PDE1C: variants seen among roughly 807,000 people sequenced by gnomAD.
PDE1C encodes the protein phosphodiesterase 1C, also known as dual specificity calcium/calmodulin-dependent 3',5'-cyclic nucleotide phosphodiesterase 1C.
A neutral mutation model predicts 93.1 loss-of-function variants in PDE1C; 62 were observed. That is an observed-to-expected ratio of 0.67 (90% CI 0.54 to 0.82). PDE1C has a LOEUF of 0.82. PDE1C is among the 40% of genes least tolerant of loss of function. The pLI is 0.00. For missense variants in PDE1C, 742 were observed against 884.6 expected (o/e 0.84, Z 2.04); for synonymous variants, 325 against 310.1 (o/e 1.05, Z -0.50).
chr7:31,948,311 T>C (rs1193355119), intron 2 of PDE1C, among the ~76,000 whole-genome samples: 1 of 152,212 alleles, frequency 6.6e-6, no homozygotes, highest in African/African-American at 2.4e-5. Context: ...GTGGTAAACA[T>C]AGATATCTTA....
chr7:32,123,704 C>T (rs1307280571), intron 3 of PDE1C, among the ~76,000 whole-genome samples: 3 of 152,136 alleles, frequency 2.0e-5, no homozygotes, highest in Non-Finnish European at 4.4e-5. Context: ...TTGAACATAT[C>T]TCAAAACAAT....
chr7:31,651,058 A>G, the PDE1C span: 1 of 1,485,048 alleles, frequency 6.7e-7, no homozygotes, highest in Non-Finnish European at 9.0e-7. Context: ...AGGGATCCCA[A>G]ATGGGAAGAC....
intron 1 of PDE1C, among the ~76,000 whole-genome samples, chr7:32,219,248 G>A (rs1806657175): frequency 6.6e-6 from 1 of 152,192 alleles, no homozygotes; most frequent in Non-Finnish European, 1.5e-5. Flanking sequence ...TGAGATTAGA[G>A]AGGTGGAGAG....
chr7:32,210,691 A>G (rs2128843080), intron 1 of PDE1C, among the ~76,000 whole-genome samples: 1 of 152,304 alleles, frequency 6.6e-6, no homozygotes, highest in Middle Eastern at 3.4e-3. Flanking sequence ...TCTATTACTA[A>G]TAAGGCCAAT....
At chr7:32,048,522 A>G (rs983421566) in intron 2 of PDE1C, among the ~76,000 whole-genome samples, 3 of 152,042 alleles carry the variant, frequency 2.0e-5, no homozygotes, top group Admixed American at 2.0e-4. Flanking sequence ...GAGAAAAAAA[A>G]TAGAGAGGGA....
chr7:32,339,010 GCACACACACACACACACA>G (rs57740255), intron 1 of PDE1C, among the ~76,000 whole-genome samples: 3 of 138,542 alleles, frequency 2.2e-5, no homozygotes, highest in African/African-American at 8.2e-5. Flanking sequence ...CTCAAAAAAA[GCACACACACACACACACA>G]CACACACACA....
the PDE1C span, chr7:31,697,007 A>G: frequency 1.2e-6 from 2 of 1,614,064 alleles, no homozygotes; most frequent in East Asian, 2.2e-5. Flanking sequence ...GATGTTCAAG[A>G]GAGACATCCA....
At chr7:31,757,657 G>C (rs990693602) in intron 17 of PDE1C, among the ~76,000 whole-genome samples, 18 of 152,218 alleles carry the variant, frequency 1.2e-4, no homozygotes, top group Non-Finnish European at 8.8e-5. Context: ...ACAGGTGCTG[G>C]AGAGGATATG....
intron 1 of PDE1C, among the ~76,000 whole-genome samples, chr7:32,408,725 G>T (rs751514573): frequency 1.2e-4 from 18 of 152,116 alleles, no homozygotes; most frequent in Non-Finnish European, 2.4e-4. Flanking sequence ...GGAGGCGAAG[G>T]TTGCAGTGGG....
intron 3 of PDE1C, among the ~76,000 whole-genome samples, chr7:32,084,472 G>A (rs894054662): frequency 2.7e-5 from 4 of 148,188 alleles, no homozygotes; most frequent in Non-Finnish European, 4.5e-5. Context: ...GCATACCCAG[G>A]AATTGAACTC....
chr7:32,248,714 T>C (rs1417850579), intron 1 of PDE1C, among the ~76,000 whole-genome samples: 3 of 152,224 alleles, frequency 2.0e-5, no homozygotes, highest in Admixed American at 6.5e-5. Context: ...GGACCCTCTG[T>C]TGCAACAAAT....
At chr7:32,310,711 A>T (rs1271878203) in intron 1 of PDE1C, among the ~76,000 whole-genome samples, 1 of 152,138 alleles carries the variant, frequency 6.6e-6, no homozygotes, top group African/African-American at 2.4e-5. Flanking sequence ...CAACGAGAAC[A>T]AAGACACAAC....
chr7:31,754,665 C>T (rs945484701), intron 17 of PDE1C, among the ~76,000 whole-genome samples: 5 of 152,160 alleles, frequency 3.3e-5, no homozygotes, highest in African/African-American at 1.2e-4. Context: ...TATGATTCCA[C>T]TTATACGACA....
chr7:32,107,437 T>C (rs1015183246), intron 3 of PDE1C, among the ~76,000 whole-genome samples: 1 of 152,124 alleles, frequency 6.6e-6, no homozygotes, highest in Admixed American at 6.6e-5. Context: ...AAGAATTGCA[T>C]TGAACTTCTC....
chr7:32,224,848 G>T (rs1807136193), intron 1 of PDE1C, among the ~76,000 whole-genome samples: 2 of 151,866 alleles, frequency 1.3e-5, no homozygotes, highest in Admixed American at 6.6e-5. Context: ...GGATAAAATT[G>T]CATGTTCAGC....
At chr7:31,634,482 A>T in the PDE1C span, among the ~76,000 whole-genome samples, 1 of 152,134 alleles carries the variant, frequency 6.6e-6, no homozygotes, top group Non-Finnish European at 1.5e-5. Flanking sequence ...CTATGAGGGG[A>T]CAGACTCAGA....
chr7:32,275,398 G>T (rs1009237924), intron 1 of PDE1C, among the ~76,000 whole-genome samples: 2 of 152,176 alleles, frequency 1.3e-5, no homozygotes, highest in African/African-American at 4.8e-5. Flanking sequence ...CTCCTGATGA[G>T]CTTGTAGGCA....
intron 1 of PDE1C, among the ~76,000 whole-genome samples, chr7:32,346,639 G>C (rs1430007395): frequency 6.6e-6 from 1 of 152,216 alleles, no homozygotes; most frequent in African/African-American, 2.4e-5. Flanking sequence ...TTGTGCTTTG[G>C]TACCTTTAAT....
chr7:31,863,462 G>A (rs925086032), intron 7 of PDE1C, among the ~76,000 whole-genome samples: 1 of 152,052 alleles, frequency 6.6e-6, no homozygotes, highest in African/African-American at 2.4e-5. Context: ...ATTAATGTGG[G>A]TATCCCTGTC....
Sources: allele counts gnomAD v4.1 joint callset (sites outside exome capture counted in the v4.1 genomes callset), GRCh38; gene constraint gnomAD v4.1.1; transcripts MANE v1.5; gene names NCBI Gene and HGNC (gene_info 2026-07-23, HGNC 2026-07-21).